Variants in ARHGAP15 observed in about 807,000 individuals in gnomAD.
ARHGAP15 encodes Rho GTPase activating protein 15.
A neutral mutation model predicts 63.7 loss-of-function variants in ARHGAP15; 51 were observed. That is an observed-to-expected ratio of 0.80 (90% CI 0.64 to 1.01). ARHGAP15 has a LOEUF of 1.01. Among genes scored for constraint, ARHGAP15 ranks in the 50% least tolerant of loss-of-function variants. The probability of loss-of-function intolerance (pLI) is 0.00; values close to 1 mark genes in which losing one functional copy is unlikely to be tolerated. For missense variants in ARHGAP15, 560 were observed against 564.6 expected, an observed-to-expected ratio of 0.99 and a Z score of 0.08; for synonymous variants, 191 against 193.8, an observed-to-expected ratio of 0.99 and a Z score of 0.12.
intron 6 of ARHGAP15, among the ~76,000 whole-genome samples, chr2:143,355,595 C>A (rs1685774082): frequency 6.6e-6 from 1 of 151,986 alleles, no homozygotes; most frequent in South Asian, 2.1e-4. Context: ...CATTTTTGAA[C>A]CTTGACAAGA....
intron 8 of ARHGAP15, 184 bp downstream of exon 8, chr2:143,437,226 T>C (rs1689653439): frequency 8.6e-6 from 5 of 583,172 alleles, no homozygotes; most frequent in Middle Eastern, 4.7e-4. Context: ...TCATTGTTGG[T>C]AATGCCTTTT....
intron 12 of ARHGAP15, among the ~76,000 whole-genome samples, chr2:143,690,091 TGAA>T (rs1038993793): frequency 6.6e-6 from 1 of 152,206 alleles, no homozygotes; most frequent in Non-Finnish European, 1.5e-5. Flanking sequence ...ATCAGACACT[TGAA>T]GAAATATAAG....
chr2:143,513,720 A>G (rs1693684801), intron 9 of ARHGAP15, among the ~76,000 whole-genome samples: 1 of 152,222 alleles, frequency 6.6e-6, no homozygotes, highest in East Asian at 1.9e-4. Context: ...AAGACCCTCA[A>G]GTAACTGCAT....
intron 5 of ARHGAP15, chr2:143,238,201 T>C (rs1026611731): frequency 1.3e-5 from 2 of 152,156 alleles, no homozygotes; most frequent in Non-Finnish European, 2.9e-5. Flanking sequence ...AAATGGGGTC[T>C]AATTAAACTA....
chr2:143,348,929 A>C (rs1685429596), intron 6 of ARHGAP15, among the ~76,000 whole-genome samples: 1 of 152,140 alleles, frequency 6.6e-6, no homozygotes, highest in African/African-American at 2.4e-5. Flanking sequence ...ATTCTCTATG[A>C]ATCGCCTCCT....
intron 8 of ARHGAP15, among the ~76,000 whole-genome samples, chr2:143,473,716 GAAAT>G (rs1691683269): frequency 6.6e-6 from 1 of 152,144 alleles, no homozygotes; most frequent in Non-Finnish European, 1.5e-5. Context: ...CCATATTTTA[GAAAT>G]AAATCCCAAA....
chr2:143,287,974 T>C (rs1320420358), intron 6 of ARHGAP15, among the ~76,000 whole-genome samples: 1 of 152,192 alleles, frequency 6.6e-6, no homozygotes, highest in East Asian at 1.9e-4. Context: ...TAAGAGGTTG[T>C]ATCGGAGTCA....
intron 11 of ARHGAP15, chr2:143,564,108 G>T (rs1299501030): frequency 3.3e-5 from 5 of 152,186 alleles, no homozygotes; most frequent in Non-Finnish European, 7.3e-5. Context: ...TGGACTGAAG[G>T]CCTCAATCCA....
At chr2:143,257,559 C>T (rs919306261) in intron 6 of ARHGAP15, among the ~76,000 whole-genome samples, 3 of 152,108 alleles carry the variant, frequency 2.0e-5, no homozygotes, top group Non-Finnish European at 4.4e-5. Context: ...TGACACCAGG[C>T]TAAATGCACC....
intron 10 of ARHGAP15, chr2:143,521,819 T>A (rs1694075084): frequency 6.6e-6 from 1 of 152,122 alleles, no homozygotes; most frequent in Non-Finnish European, 1.5e-5. Flanking sequence ...TTTACTCCTT[T>A]AAAAAAACCT....
At chr2:143,625,906 A>T (rs1156573472) in intron 12 of ARHGAP15, among the ~76,000 whole-genome samples, 1 of 152,162 alleles carries the variant, frequency 6.6e-6, no homozygotes, top group East Asian at 1.9e-4. Flanking sequence ...TAACTAGGAT[A>T]TCCATCATTT....
intron 12 of ARHGAP15, among the ~76,000 whole-genome samples, chr2:143,684,385 G>A (rs1372471331): frequency 6.6e-6 from 1 of 152,016 alleles, no homozygotes; most frequent in Non-Finnish European, 1.5e-5. Context: ...GGGTTTTAGT[G>A]GTTCTTTTTA....
intron 12 of ARHGAP15, chr2:143,656,287 C>T (rs1681429979): frequency 6.6e-6 from 1 of 152,190 alleles, no homozygotes; most frequent in African/African-American, 2.4e-5. Flanking sequence ...TGTGTCTTCC[C>T]AACCTATCAG....
chr2:143,412,137 T>C (rs1688473241), intron 6 of ARHGAP15, among the ~76,000 whole-genome samples: 1 of 152,232 alleles, frequency 6.6e-6, no homozygotes, highest in African/African-American at 2.4e-5. Flanking sequence ...TAATGATTGC[T>C]CTGTCAGCTT....
At chr2:143,271,199 G>A (rs995045815) in intron 6 of ARHGAP15, among the ~76,000 whole-genome samples, 2 of 152,110 alleles carry the variant, frequency 1.3e-5, no homozygotes, top group South Asian at 4.1e-4. Context: ...CTCCTGCATT[G>A]ATTCTTTACC....
chr2:143,188,703 C>T (rs1025811695), intron 2 of ARHGAP15, among the ~76,000 whole-genome samples: 4 of 151,598 alleles, frequency 2.6e-5, no homozygotes, highest in Non-Finnish European at 5.9e-5. Context: ...TCACTGCAAC[C>T]TCTGCCTCCC....
intron 4 of ARHGAP15, among the ~76,000 whole-genome samples, chr2:143,226,501 AC>A (rs1417935192): frequency 1.3e-5 from 2 of 152,190 alleles, no homozygotes; most frequent in African/African-American, 4.8e-5. Context: ...CCCAGACTAG[AC>A]TTCTAATAAT....
At chr2:143,570,147 C>T (rs913776379) in intron 11 of ARHGAP15, among the ~76,000 whole-genome samples, 6 of 152,114 alleles carry the variant, frequency 3.9e-5, no homozygotes, top group Non-Finnish European at 5.9e-5. Context: ...GTGTCCCTTA[C>T]AACCATCCTA....
At chr2:143,513,149 C>A (rs535255592) in intron 9 of ARHGAP15, among the ~76,000 whole-genome samples, 1 of 152,278 alleles carries the variant, frequency 6.6e-6, no homozygotes, top group South Asian at 2.1e-4. Flanking sequence ...TTGCTGGTAA[C>A]TGGGGAAAGC....
Sources: allele counts gnomAD v4.1 joint callset (sites outside exome capture counted in the v4.1 genomes callset), GRCh38; gene constraint gnomAD v4.1.1; transcripts MANE v1.5; gene names NCBI Gene and HGNC (gene_info 2026-07-23, HGNC 2026-07-21).